Variants in YPEL2 observed in about 807,000 individuals in gnomAD.
The protein encoded by YPEL2 is yippee like 2, also known as protein yippee-like 2.
A neutral mutation model predicts 19.1 loss-of-function variants in YPEL2; 2 were observed. The observed-to-expected ratio is 0.10, with a 90% CI of 0.04 to 0.33. The LOEUF (loss-of-function observed/expected upper bound fraction) is 0.33. Ranked by LOEUF, YPEL2 falls within the 10% of genes least tolerant of loss-of-function variation. The probability of loss-of-function intolerance (pLI) is 1.00; values close to 1 mark genes in which losing one functional copy is unlikely to be tolerated. For missense variants in YPEL2, 66 were observed against 140.7 expected (o/e 0.47, Z 2.68); for synonymous variants, 52 against 50.0 (o/e 1.04, Z -0.17).
intron 2 of YPEL2, among the ~76,000 whole-genome samples, chr17:59,361,447 A>G (rs1451892895): frequency 6.6e-6 from 1 of 152,196 alleles, no homozygotes; most frequent in Non-Finnish European, 1.5e-5. Context: ...TGTTTCTCTT[A>G]AAGCAGTTAT....
At chr17:59,350,801 A>G (rs540020099) in intron 1 of YPEL2, among the ~76,000 whole-genome samples, 4 of 152,214 alleles carry the variant, frequency 2.6e-5, no homozygotes, top group Non-Finnish European at 5.9e-5. Flanking sequence ...AGCTGTCTGC[A>G]TGTATAAGAA....
intron 1 of YPEL2, among the ~76,000 whole-genome samples, chr17:59,332,196 T>C (rs1182521386): frequency 6.6e-6 from 1 of 151,598 alleles, no homozygotes; most frequent in Non-Finnish European, 1.5e-5. Flanking sequence ...GTCGTCCCCA[T>C]GGGTTCGGAC....
At chr17:59,388,758 C>T (rs947090375) in intron 3 of YPEL2, 7 of 222,732 alleles carry the variant, frequency 3.1e-5, no homozygotes, top group South Asian at 2.1e-4. Flanking sequence ...AGGCCCACTT[C>T]GGGCAGATGC....
chr17:59,335,221 A>G (rs1598021479), intron 1 of YPEL2, among the ~76,000 whole-genome samples: 1 of 152,224 alleles, frequency 6.6e-6, no homozygotes, highest in Non-Finnish European at 1.5e-5. Flanking sequence ...TCTGTGAAGT[A>G]TTGTACTGCC....
At chr17:59,390,364 A>T (rs1016752694) in intron 4 of YPEL2, among the ~76,000 whole-genome samples, 3 of 151,878 alleles carry the variant, frequency 2.0e-5, no homozygotes, top group Non-Finnish European at 4.4e-5. Flanking sequence ...CTGGCCTCAA[A>T]CTCCTGAGCT....
intron 2 of YPEL2, among the ~76,000 whole-genome samples, chr17:59,383,208 A>G (rs1048512551): frequency 6.6e-6 from 1 of 152,108 alleles, no homozygotes; most frequent in African/African-American, 2.4e-5. Flanking sequence ...TACATACAGT[A>G]AAATTCACTC....
chr17:59,346,713 C>T (rs556718433), intron 1 of YPEL2, among the ~76,000 whole-genome samples: 5 of 152,164 alleles, frequency 3.3e-5, no homozygotes, highest in Admixed American at 3.3e-4. Context: ...GTAGAGGATA[C>T]AGAGGCAGAA....
intron 2 of YPEL2, among the ~76,000 whole-genome samples, chr17:59,371,077 G>A (rs1353710753): frequency 5.9e-5 from 9 of 152,192 alleles, no homozygotes; most frequent in African/African-American, 2.2e-4. Context: ...GGCCTGTCTA[G>A]TCGGTCCCTT....
At chr17:59,352,799 G>T (rs1331079724) in intron 1 of YPEL2, among the ~76,000 whole-genome samples, 2 of 152,194 alleles carry the variant, frequency 1.3e-5, no homozygotes, top group Admixed American at 1.3e-4. Context: ...GTGACTGTTG[G>T]ATGTGGTGAA....
At chr17:59,386,585 C>T (rs1342285998) in intron 2 of YPEL2, among the ~76,000 whole-genome samples, 1 of 152,068 alleles carries the variant, frequency 6.6e-6, no homozygotes, top group Non-Finnish European at 1.5e-5. Flanking sequence ...GGGGAGGTAG[C>T]AAGAGAAGAG....
chr17:59,372,194 A>G (rs1437937102), intron 2 of YPEL2, among the ~76,000 whole-genome samples: 1 of 152,202 alleles, frequency 6.6e-6, no homozygotes, highest in East Asian at 1.9e-4. Context: ...AAAGGTAGCA[A>G]TTAAATGTTT....
In YPEL2 at chr17:59,387,398, C is replaced by T. The variant is rs117262173; in HGVS notation, c.118-929C>T. Among the ~76,000 whole-genome samples the T allele has an allele frequency of 2.4e-4, 37 of 152,026 alleles. 1 individual carries two copies. The East Asian group carries it at 7.2e-3, about 29-fold the overall frequency. On this transcript the variant is annotated intron_variant, in intron 2 of 4. Coordinates refer to ENST00000312655, the MANE Select transcript of YPEL2 (RefSeq NM_001005404.4). ...ATCTGGTGCTCACCTACCCTCTGGTCATCTGTTAGCCACTCATCTCCTTGT... is the reference window on the plus strand; with the variant it reads ...ATCTGGTGCTCACCTACCCTCTGGTTATCTGTTAGCCACTCATCTCCTTGT...
chr17:59,388,861 T>C, intron 3 of YPEL2: 1 of 190,058 alleles, frequency 5.3e-6, no homozygotes, highest in Admixed American at 5.3e-5. Context: ...CCTGATAAAC[T>C]GTAAAAATGA....
intron 4 of YPEL2, 26 bp downstream of exon 4, chr17:59,389,494 A>G (rs748240733): frequency 6.3e-7 from 1 of 1,583,024 alleles, no homozygotes; most frequent in South Asian, 1.1e-5. Context: ...TTTGGTTGGT[A>G]GAGGGCTGGA....
At chr17:59,348,252 C>T (rs573089557) in intron 1 of YPEL2, among the ~76,000 whole-genome samples, 2 of 152,230 alleles carry the variant, frequency 1.3e-5, no homozygotes, top group East Asian at 3.8e-4. Flanking sequence ...TTGGGGCCAG[C>T]CTTGTCTCAT....
At chr17:59,333,317 A>G (rs1169513550) in intron 1 of YPEL2, among the ~76,000 whole-genome samples, 1 of 152,210 alleles carries the variant, frequency 6.6e-6, no homozygotes, top group Non-Finnish European at 1.5e-5. Flanking sequence ...GTGCAGTGGG[A>G]GCCTCATCCG....
chr17:59,360,040 C>T (rs1397730599), intron 2 of YPEL2, among the ~76,000 whole-genome samples: 1 of 152,230 alleles, frequency 6.6e-6, no homozygotes, highest in Non-Finnish European at 1.5e-5. Flanking sequence ...GCTGGGATTA[C>T]AGGCATGCGC....
intron 1 of YPEL2, among the ~76,000 whole-genome samples, chr17:59,352,498 C>G (rs1208913984): frequency 6.6e-6 from 1 of 152,152 alleles, no homozygotes. Context: ...GTAAAATTCA[C>G]TGTTACTGTG....
At chr17:59,389,913 C>A (rs185850714) in intron 4 of YPEL2, among the ~76,000 whole-genome samples, 1 of 152,224 alleles carries the variant, frequency 6.6e-6, no homozygotes, top group African/African-American at 2.4e-5. Flanking sequence ...TTTTTTATTT[C>A]TAAATTTTTC....
Sources: allele counts gnomAD v4.1 joint callset (sites outside exome capture counted in the v4.1 genomes callset), GRCh38; gene constraint gnomAD v4.1.1; transcripts MANE v1.5; gene names NCBI Gene and HGNC (gene_info 2026-07-23, HGNC 2026-07-21).